Variants in NRXN3 observed in about 807,000 individuals in gnomAD.
The protein encoded by NRXN3 is neurexin III.
A neutral mutation model predicts 137.6 loss-of-function variants in NRXN3; 32 were observed. That is an observed-to-expected ratio of 0.23 (90% confidence interval 0.18 to 0.31). The LOEUF (loss-of-function observed/expected upper bound fraction) is 0.31, where lower values mean the gene tolerates loss of function less well. NRXN3 is among the 10% of genes least tolerant of loss of function. The pLI is 1.00. For synonymous variants in NRXN3, 798 were observed against 784.5 expected, an observed-to-expected ratio of 1.02 and a Z score of -0.29; for missense variants, 1,574 against 2,062.5, an observed-to-expected ratio of 0.76 and a Z score of 4.59.
intron 4 of NRXN3, among the ~76,000 whole-genome samples, chr14:78,393,098 T>C (rs1026340596): frequency 2.6e-5 from 4 of 152,254 alleles, no homozygotes; most frequent in Middle Eastern, 3.4e-3. Flanking sequence ...CATTCTTCTG[T>C]GATTATATAT....
At chr14:78,561,630 T>C (rs1209212691) in intron 4 of NRXN3, among the ~76,000 whole-genome samples, 6 of 152,156 alleles carry the variant, frequency 3.9e-5, no homozygotes, top group Non-Finnish European at 8.8e-5. Context: ...TAGGAAAGCA[T>C]ATACTTCCAA....
chr14:79,207,403 A>G (rs2066940593), intron 15 of NRXN3, among the ~76,000 whole-genome samples: 1 of 152,238 alleles, frequency 6.6e-6, no homozygotes, highest in Non-Finnish European at 1.5e-5. Flanking sequence ...AATCTGGGAC[A>G]TAGTAAGACA....
chr14:79,364,827 A>G (rs978113773), intron 15 of NRXN3, among the ~76,000 whole-genome samples: 2 of 152,136 alleles, frequency 1.3e-5, no homozygotes, highest in African/African-American at 2.4e-5. Flanking sequence ...TTCTTTAGCT[A>G]TTCATAATGC....
At chr14:78,541,199 T>C (rs1188828358) in intron 4 of NRXN3, among the ~76,000 whole-genome samples, 1 of 152,240 alleles carries the variant, frequency 6.6e-6, no homozygotes, top group Non-Finnish European at 1.5e-5. Context: ...GATAATATCC[T>C]GAAGAGTGTT....
Position 79,214,862 on chromosome 14 carries a change from A to C in NRXN3, c.3262+226721A>C, listed in dbSNP as rs558652623. On this transcript the variant is annotated intron_variant, in intron 15 of 20. Coordinates refer to ENST00000335750, the MANE Select transcript of NRXN3 (RefSeq NM_001330195.2). Reference sequence around the variant, plus strand: ...TCTTAGAAGTTTTCTCATTTCTTTGAACTTTCCATTAACATTCAATCTTTC... The same window carrying C: ...TCTTAGAAGTTTTCTCATTTCTTTGCACTTTCCATTAACATTCAATCTTTC... Among the ~76,000 whole-genome samples, 4 of 152,278 alleles carry C rather than the reference A, an allele frequency of 2.6e-5. No individual in the cohort carries two copies. The South Asian group carries it at 8.3e-4, about 32-fold the overall frequency.
intron 20 of NRXN3, among the ~76,000 whole-genome samples, chr14:79,842,033 A>AAGAAAAAC (rs1214551319): frequency 5.1e-4 from 77 of 152,338 alleles, no homozygotes; most frequent in Middle Eastern, 3.4e-3. Context: ...AGAGGACTGC[A>AAGAAAAAC]AGAAAAACAG....
chr14:78,587,906 A>G (rs554840072), intron 4 of NRXN3, among the ~76,000 whole-genome samples: 2 of 152,226 alleles, frequency 1.3e-5, no homozygotes, highest in East Asian at 3.9e-4. Flanking sequence ...CATTGTCTGG[A>G]TATCAGCTAT....
chr14:78,173,996 G>T (rs912581707), intron 1 of NRXN3, among the ~76,000 whole-genome samples: 1 of 151,982 alleles, frequency 6.6e-6, no homozygotes, highest in Non-Finnish European at 1.5e-5. Flanking sequence ...CGCAACCGCG[G>T]TCTTCTTTCT....
At chr14:79,631,371 C>T (rs2098343377) in intron 16 of NRXN3, among the ~76,000 whole-genome samples, 1 of 152,268 alleles carries the variant, frequency 6.6e-6, no homozygotes, top group South Asian at 2.1e-4. Flanking sequence ...GCTGGAAGAG[C>T]CCTTCAGTCC....
At chr14:79,590,205 G>A (rs1008542312) in intron 16 of NRXN3, among the ~76,000 whole-genome samples, 2 of 151,920 alleles carry the variant, frequency 1.3e-5, no homozygotes, top group Non-Finnish European at 2.9e-5. Context: ...TGAATTATGT[G>A]GGCAGGTCTT....
At chr14:78,542,077 T>TGTC (rs2096595113) in intron 4 of NRXN3, among the ~76,000 whole-genome samples, 1 of 152,202 alleles carries the variant, frequency 6.6e-6, no homozygotes, top group Non-Finnish European at 1.5e-5. Flanking sequence ...CTATATGAGG[T>TGTC]GTCTGTCATC....
intron 2 of NRXN3, among the ~76,000 whole-genome samples, chr14:78,249,207 C>T (rs574424354): frequency 3.3e-5 from 5 of 152,316 alleles, no homozygotes; most frequent in Admixed American, 2.6e-4. Context: ...TTGCAGAAAC[C>T]GCCCACCAGC....
chr14:79,650,287 ACTGT>A (rs2098469940), intron 16 of NRXN3, among the ~76,000 whole-genome samples: 1 of 152,100 alleles, frequency 6.6e-6, no homozygotes, highest in South Asian at 2.1e-4. Context: ...TTTATCAATG[ACTGT>A]CTGTGGATAT....
chr14:79,684,415 ACAGT>A (rs1327430233), intron 17 of NRXN3, among the ~76,000 whole-genome samples: 2 of 152,190 alleles, frequency 1.3e-5, no homozygotes, highest in African/African-American at 4.8e-5. Flanking sequence ...GGTGACTAGA[ACAGT>A]GATTGTTACT....
At chr14:78,753,914 G>A (rs1157417621) in intron 8 of NRXN3, 1 of 152,152 alleles carries the variant, frequency 6.6e-6, no homozygotes, top group Non-Finnish European at 1.5e-5. Flanking sequence ...AAGGCTCAAA[G>A]AATAATATGT....
intron 19 of NRXN3, among the ~76,000 whole-genome samples, chr14:79,763,205 C>CT (rs561901464): frequency 1.3e-3 from 198 of 151,658 alleles, no homozygotes; most frequent in Middle Eastern, 3.4e-3. Context: ...TGAACTCATC[C>CT]TTTTTTATGG....
intron 15 of NRXN3, among the ~76,000 whole-genome samples, chr14:79,360,570 A>G (rs1174838975): frequency 3.9e-5 from 6 of 152,242 alleles, no homozygotes; most frequent in African/African-American, 1.4e-4. Flanking sequence ...ATGCTGAAAG[A>G]TGAATGCTCA....
At chr14:79,273,845 C>G (rs1366127985) in intron 15 of NRXN3, among the ~76,000 whole-genome samples, 6 of 151,750 alleles carry the variant, frequency 4.0e-5, no homozygotes, top group Non-Finnish European at 5.9e-5. Context: ...ACCTGTAATG[C>G]CAGCATTTTG....
intron 15 of NRXN3, among the ~76,000 whole-genome samples, chr14:79,264,974 G>C (rs2078223548): frequency 2.6e-5 from 4 of 151,916 alleles, no homozygotes; most frequent in Admixed American, 2.6e-4. Flanking sequence ...GTATATATGT[G>C]TGTGTATATA....
Sources: gnomAD v4.1 joint callset for allele counts (sites outside exome capture counted in the v4.1 genomes callset) on GRCh38, gnomAD v4.1.1 for gene constraint, MANE v1.5 for transcripts, NCBI Gene and HGNC (gene_info 2026-07-23, HGNC 2026-07-21) for gene names.